The following SLC4A9 variants were observed in gnomAD, a reference collection of about 807,000 sequenced individuals.
SLC4A9 encodes the protein anion exchange protein 4.
Under a neutral mutation model 103.2 loss-of-function variants are expected in SLC4A9, and 102 were observed. The ratio of observed to expected loss-of-function variants is 0.99; its 90% confidence interval spans 0.84 to 1.17. The LOEUF is 1.17. SLC4A9 is among the 50% of genes most tolerant of loss of function. SLC4A9 has a pLI of 0.00. For missense variants in SLC4A9, 1,091 were observed against 1,193.7 expected, an observed-to-expected ratio of 0.91 and a Z score of 1.27; for synonymous variants, 453 against 483.6, an observed-to-expected ratio of 0.94 and a Z score of 0.83.
chr5:140,364,526 G>C lies in SLC4A9; in HGVS notation c.1552G>C (p.Asp518His), dbSNP rs376146750. ...CALISLIFIY[D>H]AVGKMLNLTH... is the part of the protein sequence containing the mutation. ...CCTCATCAGCCTCATCTTCATCTAC[G>C]ATGCTGTGGGCAAAATGCTGAACTT... is the stretch of plus-strand genomic sequence containing the variant. Residue 518 changes from aspartate to histidine, a missense_variant, in exon 11 of 22, where the codon GAT becomes CAT. Transcript: ENST00000506757. 4 of 1,610,360 alleles carry C rather than the reference G, an allele frequency of 2.5e-6. No individual in the cohort carries two copies. In the Admixed American group the frequency reaches 6.8e-5, roughly 27 times the overall value.
chr5:140,366,803 C>T (rs1378809216), intron 14 of SLC4A9, among the ~76,000 whole-genome samples: 1 of 152,192 alleles, frequency 6.6e-6, no homozygotes, highest in Non-Finnish European at 1.5e-5. Context: ...TCTCTTCTTC[C>T]CACCCCACGT....
In SLC4A9 at chr5:140,360,879, C is replaced by G. The variant is rs1561567392; in HGVS notation, c.298C>G (p.Leu100Val). The G allele has an allele frequency of 3.1e-6, 5 of 1,611,612 alleles. No individual in the cohort carries two copies. The highest frequency in any genetic ancestry group is 1.7e-5 in the Admixed American group (1 of 59,806). ...GRWSAPHVPT[L>V]ALPSLQKLRS... is the part of the protein sequence containing the mutation. ...GTGGAGTGCCCCCCACGTGCCCACC[C>G]TGGCACTGCCCAGCCTCCAGAAGCT... Residue 100 changes from leucine to valine, a missense_variant, in exon 2 of 22, where the codon CTG (leucine) becomes GTG (valine). Physicochemically the swap from Leu to Val is conservative, Grantham distance 32. Transcript: ENST00000506757.
At position 140,361,101 on chromosome 5, in the gene SLC4A9, G is replaced by C. The variant is rs116741323; in HGVS notation, c.391+129G>C. On this transcript the variant is annotated intron_variant, in intron 2 of 21. Coordinates refer to ENST00000506757, the MANE Select transcript of SLC4A9 (RefSeq NM_031467.3). ...CTAGGATTGTCTACCCTTGTCACAG[G>C]GTGGACATGGAAAAGCAGGGTGGAG... 7.1e-4 allele frequency: 853 copies of C among 1,208,608 alleles called. 5 individuals are homozygous for C. The African/African-American group carries it at 0.012, about 16-fold the overall frequency. The allele number at this position is 1,208,608 out of a possible 1,614,324, so 74.9% of individuals were successfully genotyped here. A position where few individuals can be genotyped will look rare whatever the true frequency, so the allele number is the denominator to read the frequency against.
At chr5:140,370,366 A>C (rs1055157620) in intron 17 of SLC4A9, among the ~76,000 whole-genome samples, 5 of 150,988 alleles carry the variant, frequency 3.3e-5, no homozygotes, top group African/African-American at 1.2e-4. Context: ...TGGGAGGCTG[A>C]GGTATGAGAA....
Position 140,363,532 on chromosome 5 carries a change from C to T in SLC4A9, c.1056C>T (p.Ser352=), listed in dbSNP as rs1310374476. 6.4e-7 allele frequency: 1 copy of T among 1,552,756 alleles called. No homozygotes were observed. Among genetic ancestry groups the T allele is most frequent in the Non-Finnish European group, 8.7e-7 (1 of 1,148,030 alleles). ...ACCGCCATGGGCCACACGCACACAG[C>T]CCGGAGTTGCAGCGGACCGGCAGGT... The part of the protein sequence containing the change: ...DRHRHGPHAH[S]PELQRTGRLF... The change falls in exon 8 of 22, where the codon AGC becomes AGT. Residue 352 remains serine, a synonymous_variant. Coordinates refer to ENST00000506757, the MANE Select transcript of SLC4A9 (RefSeq NM_031467.3). This position sits in a 1 kb window ranked among gnomAD's most constrained non-coding sequence, Gnocchi z 4.5.
At chr5:140,367,128 A>T (rs553563991) in intron 14 of SLC4A9, among the ~76,000 whole-genome samples, 5 of 152,310 alleles carry the variant, frequency 3.3e-5, no homozygotes, top group African/African-American at 1.2e-4. Context: ...GGCTCTGTAC[A>T]TCAAGAAGTG....
intron 19 of SLC4A9, 130 bp downstream of exon 19, chr5:140,371,754 T>C: frequency 9.2e-7 from 1 of 1,086,492 alleles, no homozygotes; most frequent in Non-Finnish European, 1.3e-6. Context: ...TGGTTGGGAA[T>C]CCTAAGACAA....
In SLC4A9 at chr5:140,372,355, G is replaced by C. The variant is rs759642129; in HGVS notation, c.2784G>C (p.Gly928=). The change falls in exon 20 of 22, where the codon GGG becomes GGC. Residue 928 remains glycine (G), a synonymous_variant. Coordinates refer to ENST00000506757, the MANE Select transcript of SLC4A9 (RefSeq NM_031467.3). ...AGGAGAGAAGCATCCCTGAGAAGGG[G>C]CTGGAGCCAGAACACTCATTCAGTG... ...PEEERSIPEK[G]LEPEHSFSGS... 1.2e-6 allele frequency: 2 copies of C among 1,610,156 alleles called. No individual in the cohort carries two copies. The highest frequency in any genetic ancestry group is 1.1e-5 in the South Asian group (1 of 90,542).
intron 3 of SLC4A9, among the ~76,000 whole-genome samples, 177 bp downstream of exon 3, chr5:140,361,544 C>T (rs1311495184): frequency 6.6e-6 from 1 of 152,224 alleles, no homozygotes; most frequent in Non-Finnish European, 1.5e-5. Context: ...GGGCTAGAAT[C>T]GTAAGAGAGT....
At position 140,360,994 on chromosome 5, in the gene SLC4A9, G is replaced by A. The variant is rs1561568836; in HGVS notation, c.391+22G>A. On this transcript the variant is annotated intron_variant, in intron 2 of 21. Coordinates refer to ENST00000506757, the MANE Select transcript of SLC4A9 (RefSeq NM_031467.3). Reference sequence around the variant, plus strand: ...GTGGGTAGGCTGGGATCCTTTGCAGGAAGGGCCTGGGTAGCCATGCCTTTT... The same window carrying A: ...GTGGGTAGGCTGGGATCCTTTGCAGAAAGGGCCTGGGTAGCCATGCCTTTT... 1.9e-6 allele frequency: 3 copies of A among 1,544,358 alleles called. No individual in the cohort carries two copies. The East Asian group carries it at 7.2e-5, about 37-fold the overall frequency.
chr5:140,368,711 C>T, intron 17 of SLC4A9, 52 bp downstream of exon 17: 1 of 1,499,306 alleles, frequency 6.7e-7, no homozygotes, highest in Non-Finnish European at 9.2e-7. Flanking sequence ...ATAATAGGAG[C>T]ACAGCAAGAA....
rs1377922573 is a variant in SLC4A9 at position 140,368,621 on chromosome 5, C to T, written c.2389C>T (p.Leu797Phe). The T allele has an allele frequency of 6.2e-7, 1 of 1,613,506 alleles. No homozygotes were observed. The highest frequency in any genetic ancestry group is 8.5e-7 in the Non-Finnish European group (1 of 1,179,756). ...GCTGACAGGCCTGGTGGTGTTCATC[C>T]TTACAGGAGCCTCCATCTTCCTGGC... ...QRLTGLVVFILTGASIFLAPV... is the reference protein window; with the variant it reads ...QRLTGLVVFIFTGASIFLAPV... Residue 797 changes from leucine to phenylalanine, a missense_variant, in exon 17 of 22, where the codon CTT becomes TTT. Physicochemically the swap from Leu to Phe is conservative, Grantham distance 22. Transcript: ENST00000506757.
rs956841180 is a variant in SLC4A9, at chr5:140,368,688, G to C, written c.2427+29G>C. On this transcript the variant is annotated intron_variant, in intron 17 of 21. Coordinates refer to ENST00000506757, the MANE Select transcript of SLC4A9 (RefSeq NM_031467.3). ...CCTTTGTTATACAAGCCAGGATCAG[G>C]GTCAGTGTAGTAATAATAGGAGCAC... The C allele has an allele frequency of 1.9e-6, 3 of 1,592,426 alleles. No homozygotes were observed. In the Admixed American group the frequency reaches 5.0e-5, roughly 27 times the overall value.
chr5:140,366,530 G>C (rs897812656), intron 14 of SLC4A9, among the ~76,000 whole-genome samples: 8 of 152,182 alleles, frequency 5.3e-5, no homozygotes, highest in African/African-American at 1.9e-4. Flanking sequence ...CCCTGGGTTT[G>C]AGTTCCAGTT....
At position 140,372,811 on chromosome 5, in the gene SLC4A9, T is replaced by C; in HGVS notation, c.*13T>C. The stretch of plus-strand genomic sequence containing the variant: ...TTCTGTGAATTAGCTGGAGTAGGAG[T>C]CTGGGAGTGGAGACCCCAGGAAACA... On this transcript the variant is annotated 3_prime_UTR_variant, in exon 21 of 22. Transcript: ENST00000506757. The C allele has an allele frequency of 6.4e-7, 1 of 1,557,024 alleles. No individual in the cohort carries two copies. The highest frequency in any genetic ancestry group is 8.7e-7 in the Non-Finnish European group (1 of 1,149,922).
chr5:140,371,137 G>C lies in SLC4A9; in HGVS notation c.2470G>C (p.Gly824Arg). 1 of 1,612,108 alleles carries C rather than the reference G, an allele frequency of 6.2e-7. No individual in the cohort carries two copies. Among genetic ancestry groups the C allele is most frequent in the South Asian group, 1.1e-5 (1 of 90,622 alleles). The change falls in exon 18 of 22, where the codon GGG becomes CGG. Residue 824 changes from glycine (G) to arginine (R), a missense_variant. Gly to Arg is a moderately radical substitution (Grantham distance 125, BLOSUM62 -2). Coordinates refer to ENST00000506757, the MANE Select transcript of SLC4A9 (RefSeq NM_031467.3). ...GCTCTATGGCATCTTCCTGTATATG[G>C]GGGTGGCAGCGCTCAGCAGCATTCA... ...PVLYGIFLYMGVAALSSIQFT... is the reference protein window; with the variant it reads ...PVLYGIFLYMRVAALSSIQFT...
At position 140,361,296 on chromosome 5, in the gene SLC4A9, G is replaced by A. The variant is rs774288369; in HGVS notation, c.434G>A (p.Gly145Glu). 6.4e-7 allele frequency: 1 copy of A among 1,571,934 alleles called. No homozygotes were observed. The highest frequency in any genetic ancestry group is 8.6e-7 in the Non-Finnish European group (1 of 1,158,448). ...GAGTCGCTGAGCCCAGAGCTGAGAG[G>A]GCAGTTGCAGGCCTTGCTGCTGCAG... ...RVESLSPELRGQLQALLLQRP... is the reference protein window; with the variant it reads ...RVESLSPELREQLQALLLQRP... Residue 145 changes from glycine to glutamate, a missense_variant, in exon 3 of 22, where the codon GGG (glycine) becomes GAG (glutamate). Transcript: ENST00000506757.
rs372321175 is a variant in SLC4A9 at position 140,364,166 on chromosome 5, G to A, written c.1367G>A (p.Arg456His). Reference protein sequence around the residue: ...SSTGPVLVFERLLFSFSRDYS... With the variant: ...SSTGPVLVFEHLLFSFSRDYS... ...ACGGGGCCAGTGCTGGTCTTTGAGC[G>A]CCTGCTCTTCTCTTTCAGCAGGTAG... The change falls in exon 10 of 22, where the codon CGC (arginine) becomes CAC (histidine). Residue 456 changes from arginine (R) to histidine (H), a missense_variant. Physicochemically the swap from Arg to His is conservative, Grantham distance 29. Transcript: ENST00000506757. 67 of 1,573,652 alleles carry A rather than the reference G, an allele frequency of 4.3e-5. No homozygotes were observed. The highest frequency in any genetic ancestry group is 5.4e-5 in the African/African-American group (4 of 73,460).
In SLC4A9 at chr5:140,365,569, T is replaced by C. The variant is rs6860077; in HGVS notation, c.1701T>C (p.Ile567=). Residue 567 remains isoleucine (I), a synonymous_variant, in exon 12 of 22, where the codon ATT becomes ATC. Transcript: ENST00000506757. The part of the protein sequence containing the change: ...IRTRPKDRDD[I]VSMDLGLINA... The stretch of plus-strand genomic sequence containing the variant: ...CAAGGCCAAAAGACAGAGACGACAT[T>C]GTAAGCATGGTGAGGGACTGCTCCT... 1,124,386 of 1,609,976 alleles carry C rather than the reference T, an allele frequency of 0.7. 394,495 individuals carry two copies. Among genetic ancestry groups the C allele is most frequent in the East Asian group, 0.84 (37,624 of 44,836 alleles).
Sources: allele counts gnomAD v4.1 joint callset (sites outside exome capture counted in the v4.1 genomes callset), GRCh38; gene constraint gnomAD v4.1.1; non-coding constraint Gnocchi (gnomAD v3.1); transcripts MANE v1.5; gene names NCBI Gene and HGNC (gene_info 2026-07-23, HGNC 2026-07-21).